Variants in TK2 observed in about 807,000 individuals in gnomAD.
TK2 encodes thymidine kinase 2, mitochondrial.
A neutral mutation model predicts 41.9 loss-of-function variants in TK2; 35 were observed. That is an observed-to-expected ratio of 0.84 (90% CI 0.64 to 1.11). The LOEUF (loss-of-function observed/expected upper bound fraction) is 1.11, where lower values mean the gene tolerates loss of function less well. Among genes scored for constraint, TK2 ranks in the 50% least tolerant of loss-of-function variants. TK2 has a pLI of 0.00. For missense variants in TK2, 320 were observed against 351.1 expected (o/e 0.91, Z 0.71); for synonymous variants, 128 against 129.1 (o/e 0.99, Z 0.06).
chr16:66,523,836 A>G (rs1403571770), intron 6 of TK2, among the ~76,000 whole-genome samples: 2 of 152,086 alleles, frequency 1.3e-5, no homozygotes, highest in Non-Finnish European at 2.9e-5. Flanking sequence ...CAAAATCAAA[A>G]AAACAAAAAA....
chr16:66,539,425 C>T (rs1391554832), intron 3 of TK2, among the ~76,000 whole-genome samples: 2 of 151,612 alleles, frequency 1.3e-5, no homozygotes, highest in Non-Finnish European at 2.9e-5. Context: ...ATGGTGAAAC[C>T]CCATCTCTAC....
At chr16:66,525,024 G>A (rs1244322915) in intron 6 of TK2, 1 of 152,310 alleles carries the variant, frequency 6.6e-6, no homozygotes, top group Non-Finnish European at 1.5e-5. Context: ...TCAGGAAGGA[G>A]CACTGGCTTT....
intron 6 of TK2, among the ~76,000 whole-genome samples, chr16:66,518,636 T>G (rs1458608397): frequency 6.6e-6 from 1 of 152,132 alleles, no homozygotes; most frequent in African/African-American, 2.4e-5. Flanking sequence ...TAACAGAAAA[T>G]TCACGCAGTA....
intron 3 of TK2, 56 bp from the exon 4 acceptor site, chr16:66,537,073 G>T: frequency 6.2e-7 from 1 of 1,600,430 alleles, no homozygotes. Flanking sequence ...CCCTGTAAAA[G>T]TGTGTAAGTG....
intron 6 of TK2, chr16:66,518,225 C>G: frequency 3.0e-6 from 1 of 338,850 alleles, no homozygotes; most frequent in South Asian, 2.4e-5. Flanking sequence ...ACCAATTTCA[C>G]TTCTAGAAAT....
intron 2 of TK2, chr16:66,546,438 T>A (rs1248806393): frequency 6.6e-6 from 1 of 152,152 alleles, no homozygotes; most frequent in Non-Finnish European, 1.5e-5. Flanking sequence ...GGGAAGACAC[T>A]TTTACCCCAT....
rs930561116 is a variant in TK2 at position 66,511,587 on chromosome 16, A to G, written c.*381T>C. 1 of 352,282 alleles carries G rather than the reference A, an allele frequency of 2.8e-6. No homozygotes were observed. Among genetic ancestry groups the G allele is most frequent in the African/African-American group, 2.1e-5 (1 of 47,122 alleles). The allele number at this position is 352,282 out of a possible 1,614,324, so 21.8% of individuals were successfully genotyped here. ...GAGCTTCAAATTCCTCACCTGGGAT[A>G]TAAGACTCCTACCTCGGCCTCCTAA... On this transcript the variant is annotated 3_prime_UTR_variant, in exon 10 of 10. Transcript: ENST00000544898.
rs560955962 is a variant in TK2 at position 66,514,646 on chromosome 16, C to T, written c.619-835G>A. On this transcript the variant is annotated intron_variant, in intron 8 of 9. Transcript: ENST00000544898. The surrounding 1 kb of genome is among the most constrained non-coding windows in gnomAD (Gnocchi z 4.2). The stretch of plus-strand genomic sequence containing the variant: ...CTGGGAAGTGAGGAGCCCCTCTGCC[C>T]GGCCACCACCCCGTCTGGGAGGTGT... Among the ~76,000 whole-genome samples, 5 of 152,276 alleles carry T rather than the reference C, an allele frequency of 3.3e-5. No individual in the cohort carries two copies. Among genetic ancestry groups the T allele is most frequent in the Non-Finnish European group, 5.9e-5 (4 of 68,024 alleles).
chr16:66,542,258 C>T (rs552328768), intron 2 of TK2, among the ~76,000 whole-genome samples: 1 of 152,134 alleles, frequency 6.6e-6, no homozygotes, highest in South Asian at 2.1e-4. Flanking sequence ...TAGTTCAACC[C>T]CACAGACTAT....
chr16:66,546,775 A>G (rs1450868427), intron 2 of TK2: 1 of 148,622 alleles, frequency 6.7e-6, no homozygotes, highest in African/African-American at 2.5e-5. Flanking sequence ...TTTTTGAGAC[A>G]GGGTCTCGTT....
chr16:66,526,467 C>A (rs1007331714), intron 6 of TK2, among the ~76,000 whole-genome samples: 1 of 152,178 alleles, frequency 6.6e-6, no homozygotes, highest in Admixed American at 6.5e-5. Context: ...CGAGGCCGAG[C>A]AGAGCTGTAA....
chr16:66,531,724 C>T (rs1349261532), intron 4 of TK2, among the ~76,000 whole-genome samples: 1 of 152,132 alleles, frequency 6.6e-6, no homozygotes, highest in African/African-American at 2.4e-5. Flanking sequence ...TTAGGCCAGA[C>T]AAAGAAATGA....
At chr16:66,542,284 A>C (rs1965481137) in intron 2 of TK2, among the ~76,000 whole-genome samples, 1 of 152,146 alleles carries the variant, frequency 6.6e-6, no homozygotes, top group Admixed American at 6.5e-5. Flanking sequence ...TTTAGGCCTA[A>C]GTGTCCTGCC....
rs972551299 is a variant in TK2, at chr16:66,514,692, C to T, written c.619-881G>A. Reference sequence around the variant, plus strand: ...GGTGTACCCAATAGCTCATTGAGAACGGGCCATGATGACGATGGCGGTTTT... The same window carrying T: ...GGTGTACCCAATAGCTCATTGAGAATGGGCCATGATGACGATGGCGGTTTT... On this transcript the variant is annotated intron_variant, in intron 8 of 9. Transcript: ENST00000544898. The surrounding 1 kb of genome is among the most constrained non-coding windows in gnomAD (Gnocchi z 4.2). Among the ~76,000 whole-genome samples, 18 of 152,108 alleles carry T rather than the reference C, an allele frequency of 1.2e-4. No homozygotes were observed. Among genetic ancestry groups the T allele is most frequent in the Non-Finnish European group, 1.8e-4 (12 of 68,030 alleles).
At chr16:66,542,139 G>A (rs182805178) in intron 2 of TK2, among the ~76,000 whole-genome samples, 186 bp from the exon 3 acceptor site, 3 of 152,206 alleles carry the variant, frequency 2.0e-5, no homozygotes, top group African/African-American at 2.4e-5. Context: ...CAGATAAGCC[G>A]ATCCTCCCTG....
At chr16:66,550,272 G>C (rs764615136), upstream of TK2, 3 of 1,590,324 alleles carry the variant, frequency 1.9e-6, no homozygotes, top group Admixed American at 5.3e-5. Flanking sequence ...GACGCTGGCA[G>C]AACGCACCCA....
At position 66,510,666 on chromosome 16, in the gene TK2, G is replaced by A. The variant is rs1964425251; in HGVS notation, c.*1302C>T. 1.3e-5 allele frequency: 2 copies of A among 152,240 alleles called. No individual in the cohort carries two copies. The highest frequency in any genetic ancestry group is 4.8e-5 in the African/African-American group (2 of 41,452). The allele number at this position is 152,240 out of a possible 1,614,324, so 9.4% of individuals were successfully genotyped here. A position where few individuals can be genotyped will look rare whatever the true frequency, so the allele number is the denominator to read the frequency against. On this transcript the variant is annotated 3_prime_UTR_variant, in exon 10 of 10. Transcript: ENST00000544898. ...GGCTGTGGCCTGTTTCTCCAGAGTTGAGCCTTAATCCTTTCCAGGGTTTGC... is the reference window on the plus strand; with the variant it reads ...GGCTGTGGCCTGTTTCTCCAGAGTTAAGCCTTAATCCTTTCCAGGGTTTGC...
chr16:66,547,696 A>G (rs384261), intron 2 of TK2, among the ~76,000 whole-genome samples: 1 of 150,580 alleles, frequency 6.6e-6, no homozygotes, highest in East Asian at 2.0e-4. Flanking sequence ...CCATCAGACA[A>G]ACCTCCCCCA....
At chr16:66,518,723 G>A (rs1177354266) in intron 6 of TK2, among the ~76,000 whole-genome samples, 1 of 152,150 alleles carries the variant, frequency 6.6e-6, no homozygotes, top group Non-Finnish European at 1.5e-5. Context: ...AAAGCAACAG[G>A]ATCTAAAACT....
Sources: gnomAD v4.1 joint callset for allele counts (sites outside exome capture counted in the v4.1 genomes callset) on GRCh38, gnomAD v4.1.1 for gene constraint, Gnocchi (gnomAD v3.1) non-coding constraint, MANE v1.5 for transcripts, NCBI Gene and HGNC (gene_info 2026-07-23, HGNC 2026-07-21) for gene names.